ATXN7L1: variants seen among roughly 807,000 people sequenced by gnomAD.
ATXN7L1 encodes the protein ataxin 7 like 1, also known as ataxin-7-like protein 1.
ATXN7L1 carries 15 observed loss-of-function variants against 70.8 expected under a neutral mutation model. That is an observed-to-expected ratio of 0.21 (90% confidence interval 0.14 to 0.33). ATXN7L1 has a LOEUF of 0.33. Ranked by LOEUF, ATXN7L1 falls within the 10% of genes least tolerant of loss-of-function variation. ATXN7L1 has a pLI of 1.00. For synonymous variants in ATXN7L1, 440 were observed against 445.1 expected, an observed-to-expected ratio of 0.99 and a Z score of 0.14; for missense variants, 975 against 1,097.1, an observed-to-expected ratio of 0.89 and a Z score of 1.57.
At chr7:105,683,718 C>A (rs994151118) in intron 3 of ATXN7L1, among the ~76,000 whole-genome samples, 1 of 151,964 alleles carries the variant, frequency 6.6e-6, no homozygotes, top group South Asian at 2.1e-4. Flanking sequence ...CAACTACCAC[C>A]GCCACTACCA....
chr7:105,759,475 TG>T (rs1219389407), intron 3 of ATXN7L1, among the ~76,000 whole-genome samples: 4 of 117,474 alleles, frequency 3.4e-5, no homozygotes, highest in East Asian at 2.5e-4. Flanking sequence ...TGTGTGTGTG[TG>T]TGTGTGTGTG....
chr7:105,617,993 G>A (rs1309590233), intron 9 of ATXN7L1: 2 of 456,670 alleles, frequency 4.4e-6, no homozygotes, highest in Non-Finnish European at 8.8e-6. Flanking sequence ...GCTCTCCAGA[G>A]TTGACACCCA....
In ATXN7L1 at chr7:105,683,617, G is replaced by A. The variant is rs867444715; in HGVS notation, c.356-18329C>T. Among the ~76,000 whole-genome samples, 10 of 152,238 alleles carry A rather than the reference G, an allele frequency of 6.6e-5. 1 individual carries two copies. In the Middle Eastern group the frequency reaches 0.01, roughly 155 times the overall value. ...CTTGAATCAGGAGGTGGAGGTTGTC[G>A]TGAGCTGAGATTGTACCACTGCACT... On this transcript the variant is annotated intron_variant, in intron 3 of 11. Coordinates refer to ENST00000419735, the MANE Select transcript of ATXN7L1 (RefSeq NM_020725.2).
chr7:105,608,282 TTGGGTTAA>T (rs1792862227), intron 11 of ATXN7L1, among the ~76,000 whole-genome samples: 1 of 152,220 alleles, frequency 6.6e-6, no homozygotes, highest in Non-Finnish European at 1.5e-5. Flanking sequence ...GATTCTAGTG[TTGGGTTAA>T]ACACAGAGGC....
intron 2 of ATXN7L1, among the ~76,000 whole-genome samples, chr7:105,867,256 G>A (rs1250602320): frequency 2.0e-5 from 3 of 152,142 alleles, no homozygotes; most frequent in African/African-American, 7.2e-5. Flanking sequence ...TTTGCTTTCC[G>A]TCATGTGCAT....
intron 3 of ATXN7L1, among the ~76,000 whole-genome samples, chr7:105,736,874 T>A (rs1797438156): frequency 6.6e-6 from 1 of 152,230 alleles, no homozygotes; most frequent in African/African-American, 2.4e-5. Context: ...TAAGATAACC[T>A]TTTTTTCTCA....
chr7:105,774,773 T>C (rs932865675), intron 3 of ATXN7L1, among the ~76,000 whole-genome samples: 1 of 152,122 alleles, frequency 6.6e-6, no homozygotes. Context: ...GAAGATTACA[T>C]ATGGGGTGGA....
intron 4 of ATXN7L1, among the ~76,000 whole-genome samples, chr7:105,658,798 T>C (rs935804022): frequency 6.6e-6 from 1 of 152,152 alleles, no homozygotes; most frequent in Non-Finnish European, 1.5e-5. Context: ...CTTCCCAAAG[T>C]GTTGGGATTA....
chr7:105,784,661 A>G (rs1210360381), intron 3 of ATXN7L1, among the ~76,000 whole-genome samples: 1 of 152,148 alleles, frequency 6.6e-6, no homozygotes, highest in African/African-American at 2.4e-5. Context: ...AGAAGGGAAG[A>G]GAAAATGAAC....
intron 2 of ATXN7L1, among the ~76,000 whole-genome samples, chr7:105,802,434 C>A (rs1806963726): frequency 6.6e-6 from 1 of 152,114 alleles, no homozygotes; most frequent in Non-Finnish European, 1.5e-5. Flanking sequence ...GCCGTAAGCC[C>A]TGCAGTTGGC....
intron 2 of ATXN7L1, chr7:105,819,895 G>T (rs374087039): frequency 6.7e-5 from 37 of 555,824 alleles, no homozygotes; most frequent in African/African-American, 5.9e-4. Context: ...AAGAAACTTT[G>T]CCTACGTGGG....
At chr7:105,833,443 C>G (rs920243017) in intron 2 of ATXN7L1, among the ~76,000 whole-genome samples, 6 of 152,136 alleles carry the variant, frequency 3.9e-5, no homozygotes, top group Non-Finnish European at 8.8e-5. Flanking sequence ...AATAAAAGAG[C>G]AAATAGATGT....
intron 3 of ATXN7L1, among the ~76,000 whole-genome samples, chr7:105,762,606 C>T (rs1275546377): frequency 6.6e-6 from 1 of 152,226 alleles, no homozygotes; most frequent in Middle Eastern, 3.2e-3. Context: ...CCTATGGCCC[C>T]AATGGCTGCA....
In ATXN7L1 at chr7:105,731,434, C is replaced by CTT. The variant is rs34234302; in HGVS notation, c.355+57168_355+57169dup. On this transcript the variant is annotated intron_variant, in intron 3 of 11. Coordinates refer to ENST00000419735, the MANE Select transcript of ATXN7L1 (RefSeq NM_020725.2). ...CCTTAACCTACATTACTTCTTACTC[C>CTT]TTTTTTTTTTTTTTTTTGAGATGGA... Among the ~76,000 whole-genome samples, 97 of 134,282 alleles carry CTT rather than the reference C, an allele frequency of 7.2e-4. 2 individuals carry two copies. The highest frequency in any genetic ancestry group is 2.0e-3 in the East Asian group (9 of 4,574). The allele number at this position is 134,282 out of a possible 152,430, so 88.1% of individuals were successfully genotyped here.
intron 3 of ATXN7L1, among the ~76,000 whole-genome samples, chr7:105,692,985 T>C (rs1227744611): frequency 6.6e-6 from 1 of 152,006 alleles, no homozygotes; most frequent in Non-Finnish European, 1.5e-5. Flanking sequence ...TCCAAAGCAC[T>C]GGGATTACAA....
chr7:105,814,140 C>T (rs1332739159), intron 2 of ATXN7L1, among the ~76,000 whole-genome samples: 3 of 152,230 alleles, frequency 2.0e-5, no homozygotes, highest in Admixed American at 6.5e-5. Flanking sequence ...GGTGCTCAGA[C>T]CCTGCCCTTC....
chr7:105,832,080 G>A (rs1367611257), intron 2 of ATXN7L1, among the ~76,000 whole-genome samples: 2 of 152,134 alleles, frequency 1.3e-5, no homozygotes, highest in African/African-American at 4.8e-5. Flanking sequence ...ATGGAAAAGG[G>A]GTGTGCAGTG....
chr7:105,684,494 T>G (rs1191386607), intron 3 of ATXN7L1, among the ~76,000 whole-genome samples: 1 of 152,176 alleles, frequency 6.6e-6, no homozygotes, highest in Non-Finnish European at 1.5e-5. Flanking sequence ...CAGCCAGAGA[T>G]CCAATCTAGA....
chr7:105,803,836 C>T (rs900303918), intron 2 of ATXN7L1, among the ~76,000 whole-genome samples: 3 of 152,206 alleles, frequency 2.0e-5, no homozygotes, highest in African/African-American at 7.2e-5. Flanking sequence ...TGAACTGGAA[C>T]AGGGAAGGCT....
Sources: allele counts gnomAD v4.1 joint callset (sites outside exome capture counted in the v4.1 genomes callset), GRCh38; gene constraint gnomAD v4.1.1; transcripts MANE v1.5; gene names NCBI Gene and HGNC (gene_info 2026-07-23, HGNC 2026-07-21).